Variants in CNGA1 observed in about 807,000 individuals in gnomAD.
The protein encoded by CNGA1 is cyclic nucleotide gated channel subunit alpha 1.
In CNGA1, 53 loss-of-function variants were observed where a neutral mutation model predicts 69.7. That is an observed-to-expected ratio of 0.76 (90% CI 0.61 to 0.96). The LOEUF (loss-of-function observed/expected upper bound fraction) is 0.96, where lower values mean the gene tolerates loss of function less well. Ranked by LOEUF, CNGA1 falls within the 40% of genes least tolerant of loss-of-function variation. The pLI, the probability that CNGA1 is intolerant of heterozygous loss-of-function variation, is 0.00. For missense variants in CNGA1, 739 were observed against 811.2 expected (o/e 0.91, Z 1.08); for synonymous variants, 249 against 283.5 (o/e 0.88, Z 1.22).
At chr4:47,942,952 G>A in intron 8 of CNGA1, 1 of 394,752 alleles carries the variant, frequency 2.5e-6, no homozygotes, top group Non-Finnish European at 4.5e-6. Flanking sequence ...ATTCTTGAGA[G>A]AATTAAGAAT....
intron 3 of CNGA1, among the ~76,000 whole-genome samples, chr4:47,953,388 TCAA>T (rs1190777268): frequency 3.9e-5 from 6 of 152,196 alleles, no homozygotes; most frequent in Non-Finnish European, 8.8e-5. Flanking sequence ...CGCATACCCA[TCAA>T]GCAATTAAAT....
chr4:47,966,930 T>C (rs899687693), intron 3 of CNGA1, among the ~76,000 whole-genome samples: 1 of 152,154 alleles, frequency 6.6e-6, no homozygotes, highest in African/African-American at 2.4e-5. Flanking sequence ...TCAACACCCA[T>C]TTATAACTAG....
chr4:47,937,811 A>C lies in CNGA1; in HGVS notation c.671T>G (p.Leu224Arg), dbSNP rs1738771677. The C allele has an allele frequency of 6.2e-7, 1 of 1,611,754 alleles. No homozygotes were observed. Among genetic ancestry groups the C allele is most frequent in the Middle Eastern group, 1.7e-4 (1 of 6,016 alleles). ...RTRTGYLEQG[L>R]LVKEELKLIN... is the part of the protein sequence containing the mutation. ...GAGTTTAAGTTCTTCCTTTACCAGC[A>C]GTCCTTGTTCTAGGTAACCTAAAAT... Residue 224 changes from leucine to arginine, a missense_variant, in exon 11 of 11, where the codon CTG becomes CGG. Coordinates refer to ENST00000514170, the MANE Select transcript of CNGA1 (RefSeq NM_001379270.1).
intron 10 of CNGA1, 137 bp from the exon 11 acceptor site, chr4:47,937,966 A>AAAATAC (rs1738781776): frequency 1.5e-6 from 1 of 674,938 alleles, no homozygotes; most frequent in Non-Finnish European, 2.6e-6. Flanking sequence ...ACAATGTAAT[A>AAAATAC]AAATACAAAT....
chr4:47,977,325 G>A (rs1277112271), intron 3 of CNGA1, among the ~76,000 whole-genome samples: 3 of 152,186 alleles, frequency 2.0e-5, no homozygotes, highest in Non-Finnish European at 4.4e-5. Context: ...TGGGAGGACA[G>A]AGCGAAAAGA....
intron 2 of CNGA1, among the ~76,000 whole-genome samples, chr4:47,997,239 GC>G (rs1714396811): frequency 6.6e-6 from 1 of 152,068 alleles, no homozygotes; most frequent in African/African-American, 2.4e-5. Flanking sequence ...TGTGATATAA[GC>G]CTCCTAACTT....
At chr4:47,971,013 G>GA (rs1740986123) in intron 3 of CNGA1, 1 of 454,078 alleles carries the variant, frequency 2.2e-6, no homozygotes, top group Non-Finnish European at 4.4e-6. Flanking sequence ...AAAATTAGCT[G>GA]GAAATCGCTT....
At chr4:47,985,778 A>G (rs1223341066) in intron 2 of CNGA1, among the ~76,000 whole-genome samples, 1 of 149,562 alleles carries the variant, frequency 6.7e-6, no homozygotes, top group Non-Finnish European at 1.5e-5. Flanking sequence ...AAAAAAAACC[A>G]TATTTAAGAA....
At chr4:47,955,051 T>C (rs925902468) in intron 3 of CNGA1, among the ~76,000 whole-genome samples, 1 of 152,212 alleles carries the variant, frequency 6.6e-6, no homozygotes, top group African/African-American at 2.4e-5. Context: ...TTAAATATTT[T>C]AGTATCACTT....
At chr4:48,006,157 C>T (rs12646512) in intron 2 of CNGA1, among the ~76,000 whole-genome samples, 24,735 of 151,910 alleles carry the variant, frequency 0.16, 2,286 homozygotes, top group East Asian at 0.26. Flanking sequence ...TTTATCTCTC[C>T]ATGAGTCCTG....
At chr4:48,009,311 G>A (rs1437597747) in intron 2 of CNGA1, among the ~76,000 whole-genome samples, 2 of 151,018 alleles carry the variant, frequency 1.3e-5, no homozygotes, top group East Asian at 1.9e-4. Context: ...CCAGAAATAC[G>A]AAAAATTAGC....
intron 2 of CNGA1, among the ~76,000 whole-genome samples, chr4:48,005,475 T>C (rs1020276117): frequency 3.9e-5 from 6 of 152,220 alleles, no homozygotes; most frequent in Non-Finnish European, 8.8e-5. Flanking sequence ...AAAATAATTT[T>C]TTTACATAGG....
chr4:47,941,147 T>C (rs1739050993), intron 9 of CNGA1, among the ~76,000 whole-genome samples: 1 of 152,180 alleles, frequency 6.6e-6, no homozygotes, highest in African/African-American at 2.4e-5. Context: ...GGTACAAGTA[T>C]ACAGTAAGAC....
intron 2 of CNGA1, among the ~76,000 whole-genome samples, chr4:47,982,429 T>C (rs1741759968): frequency 6.6e-6 from 1 of 152,136 alleles, no homozygotes; most frequent in African/African-American, 2.4e-5. Flanking sequence ...CAGAGAAAAT[T>C]AGAGGAGTAC....
intron 3 of CNGA1, among the ~76,000 whole-genome samples, chr4:47,974,620 C>G (rs370224850): frequency 1.3e-5 from 2 of 152,054 alleles, no homozygotes; most frequent in Non-Finnish European, 2.9e-5. Context: ...TGTTATATAG[C>G]ATGGTAAAAA....
intron 2 of CNGA1, among the ~76,000 whole-genome samples, chr4:48,004,108 A>C (rs1198120674): frequency 1.4e-5 from 2 of 138,744 alleles, no homozygotes; most frequent in African/African-American, 5.2e-5. Flanking sequence ...TGAAAGTACT[A>C]AGTCTCTGAG....
intron 6 of CNGA1, among the ~76,000 whole-genome samples, chr4:47,948,134 A>G (rs1739518998): frequency 6.6e-6 from 1 of 152,062 alleles, no homozygotes; most frequent in South Asian, 2.1e-4. Context: ...CATGATCACT[A>G]TATATGAAAT....
chr4:47,993,019 C>A (rs188301504), intron 2 of CNGA1, among the ~76,000 whole-genome samples: 1 of 152,116 alleles, frequency 6.6e-6, no homozygotes, highest in Non-Finnish European at 1.5e-5. Context: ...GTTAAACCAT[C>A]CCTACATCCC....
chr4:48,006,769 G>A (rs559446063), intron 2 of CNGA1, among the ~76,000 whole-genome samples: 13 of 152,110 alleles, frequency 8.5e-5, no homozygotes, highest in African/African-American at 2.6e-4. Flanking sequence ...TTACAGGTGT[G>A]TGCCACCATG....
Sources: allele counts gnomAD v4.1 joint callset (sites outside exome capture counted in the v4.1 genomes callset), GRCh38; gene constraint gnomAD v4.1.1; transcripts MANE v1.5; gene names NCBI Gene and HGNC (gene_info 2026-07-23, HGNC 2026-07-21).